Variants in DOCK3 observed in about 807,000 individuals in gnomAD.
DOCK3 encodes dedicator of cytokinesis protein 3.
A neutral mutation model predicts 265.6 loss-of-function variants in DOCK3; 60 were observed. That is an observed-to-expected ratio of 0.23 (90% CI 0.18 to 0.28). The LOEUF is 0.28. DOCK3 is among the 10% of genes least tolerant of loss of function. The probability of loss-of-function intolerance (pLI) is 1.00; values close to 1 mark genes in which losing one functional copy is unlikely to be tolerated. For synonymous variants in DOCK3, 881 were observed against 938.0 expected (o/e 0.94, Z 1.11); for missense variants, 1,981 against 2,594.3 (o/e 0.76, Z 5.14).
intron 1 of DOCK3, among the ~76,000 whole-genome samples, chr3:50,698,127 A>C (rs2035752480): frequency 6.6e-6 from 1 of 152,060 alleles, no homozygotes; most frequent in Non-Finnish European, 1.5e-5. Context: ...CTAATTCCAG[A>C]ACAGTTTCAT....
chr3:51,056,096 G>A (rs1333633755), intron 5 of DOCK3, among the ~76,000 whole-genome samples: 1 of 152,086 alleles, frequency 6.6e-6, no homozygotes, highest in African/African-American at 2.4e-5. Context: ...GTAAATATGT[G>A]CTTGAAAATC....
chr3:51,069,212 G>C (rs910358248), intron 6 of DOCK3, among the ~76,000 whole-genome samples: 14 of 152,006 alleles, frequency 9.2e-5, no homozygotes, highest in Non-Finnish European at 1.6e-4. Context: ...ATACAAGAAG[G>C]GCAGAAAGTT....
chr3:51,228,760 A>G lies in DOCK3; in HGVS notation c.1747A>G (p.Ile583Val), dbSNP rs755984916. 1.8e-5 allele frequency: 29 copies of G among 1,613,876 alleles called. No homozygotes were observed. Among genetic ancestry groups the G allele is most frequent in the Non-Finnish European group, 2.3e-5 (27 of 1,179,788 alleles). ...NGCPNIPSSL[I>V]FQRSTKESFF... is the part of the protein sequence containing the mutation. The stretch of plus-strand genomic sequence containing the variant: ...CTGCCCTAATATTCCTTCTAGCCTC[A>G]TCTTCCAGCGCAGCACCAAAGAGTC... Residue 583 changes from isoleucine to valine, a missense_variant, in exon 18 of 53, where the codon ATC (isoleucine) becomes GTC (valine). Ile to Val is a conservative substitution (Grantham distance 29, BLOSUM62 3). Coordinates refer to ENST00000266037, the MANE Select transcript of DOCK3 (RefSeq NM_004947.5).
intron 5 of DOCK3, among the ~76,000 whole-genome samples, chr3:51,045,958 G>A (rs895991627): frequency 3.9e-5 from 6 of 152,086 alleles, no homozygotes; most frequent in Admixed American, 2.6e-4. Context: ...TCCTGCTCAT[G>A]GACCCTGACA....
rs56837922 is a variant in DOCK3, at chr3:50,840,366, C to T, written c.122-1309C>T. On this transcript the variant is annotated intron_variant, in intron 2 of 52. Transcript: ENST00000266037. ...GTTTTGCATTTTATGTTAAGGTCTACGATCCATTTTGAGTTTATTTTTGTG... is the reference window on the plus strand; with the variant it reads ...GTTTTGCATTTTATGTTAAGGTCTATGATCCATTTTGAGTTTATTTTTGTG... 7.0e-3 allele frequency among the ~76,000 whole-genome samples: 1,061 copies of T among 152,264 alleles called. 12 individuals carry two copies. Among genetic ancestry groups the T allele is most frequent in the African/African-American group, 0.024 (1,015 of 41,550 alleles).
chr3:50,956,036 A>G (rs1235419089), intron 5 of DOCK3, among the ~76,000 whole-genome samples: 1 of 150,798 alleles, frequency 6.6e-6, no homozygotes, highest in East Asian at 1.9e-4. Flanking sequence ...ACTGAGGTCA[A>G]CTGCTTCTTA....
At chr3:50,907,208 GC>G (rs1424546312) in intron 4 of DOCK3, among the ~76,000 whole-genome samples, 1 of 152,216 alleles carries the variant, frequency 6.6e-6, no homozygotes, top group East Asian at 1.9e-4. Context: ...GTGACGTGGT[GC>G]TGAGAAGAAT....
At chr3:50,857,614 A>G (rs2046666560) in intron 3 of DOCK3, among the ~76,000 whole-genome samples, 1 of 152,238 alleles carries the variant, frequency 6.6e-6, no homozygotes, top group Admixed American at 6.5e-5. Context: ...AAAAGTGGGC[A>G]AAGAATATGG....
chr3:51,203,857 T>C (rs1365311748), intron 12 of DOCK3, among the ~76,000 whole-genome samples: 1 of 151,954 alleles, frequency 6.6e-6, no homozygotes, highest in African/African-American at 2.4e-5. Flanking sequence ...CAGAAATAAC[T>C]CCGCGTATCT....
At chr3:51,240,977 A>G (rs2078586891) in intron 21 of DOCK3, among the ~76,000 whole-genome samples, 2 of 152,132 alleles carry the variant, frequency 1.3e-5, no homozygotes, top group Admixed American at 6.5e-5. Flanking sequence ...TTATGATGTT[A>G]GCTGGTTATT....
chr3:51,330,523 G>A (rs1008461644), intron 33 of DOCK3, among the ~76,000 whole-genome samples: 10 of 152,164 alleles, frequency 6.6e-5, no homozygotes, highest in South Asian at 2.1e-4. Context: ...GGGGGCAGAC[G>A]GTTCATGGAG....
chr3:51,032,219 G>A (rs1392448049), intron 5 of DOCK3, among the ~76,000 whole-genome samples: 2 of 151,206 alleles, frequency 1.3e-5, no homozygotes, highest in African/African-American at 2.4e-5. Context: ...GTTTATTTTG[G>A]GAGAGGTAGC....
intron 12 of DOCK3, among the ~76,000 whole-genome samples, chr3:51,184,033 G>A (rs568428538): frequency 3.7e-4 from 56 of 152,194 alleles, no homozygotes; most frequent in African/African-American, 9.6e-4. Flanking sequence ...AATACAGGCC[G>A]GGGTGGTGTC....
At chr3:50,770,375 A>G (rs543048350) in intron 1 of DOCK3, among the ~76,000 whole-genome samples, 78 of 152,252 alleles carry the variant, frequency 5.1e-4, no homozygotes, top group African/African-American at 1.8e-3. Context: ...AATAGTTAAG[A>G]ATTAACCAAA....
At chr3:51,261,908 G>T (rs948589904) in intron 23 of DOCK3, among the ~76,000 whole-genome samples, 5 of 152,172 alleles carry the variant, frequency 3.3e-5, no homozygotes, top group African/African-American at 4.8e-5. Flanking sequence ...AAGACAGCAG[G>T]CCCAGTCAGG....
chr3:51,275,870 G>A (rs191855180), intron 25 of DOCK3, among the ~76,000 whole-genome samples: 5 of 152,194 alleles, frequency 3.3e-5, no homozygotes, highest in Admixed American at 3.3e-4. Flanking sequence ...ACGGGTGAGG[G>A]TAGGAATTTA....
intron 3 of DOCK3, among the ~76,000 whole-genome samples, chr3:50,867,367 C>A (rs139735699): frequency 6.6e-6 from 1 of 152,112 alleles, no homozygotes; most frequent in Non-Finnish European, 1.5e-5. Context: ...ATATCATCTG[C>A]AAGGATAACT....
intron 51 of DOCK3, chr3:51,379,597 C>T (rs1386353798): frequency 1.3e-5 from 13 of 985,468 alleles, no homozygotes; most frequent in Middle Eastern, 5.2e-4. Flanking sequence ...GCGGGTCCCC[C>T]GATAGTCCCT....
intron 5 of DOCK3, among the ~76,000 whole-genome samples, chr3:51,017,372 A>T (rs1429351463): frequency 2.7e-5 from 4 of 150,202 alleles, no homozygotes; most frequent in African/African-American, 7.4e-5. Context: ...TTCTACTGTG[A>T]TCTTTATTAT....
Sources: allele counts gnomAD v4.1 joint callset (sites outside exome capture counted in the v4.1 genomes callset), GRCh38; gene constraint gnomAD v4.1.1; transcripts MANE v1.5; gene names NCBI Gene and HGNC (gene_info 2026-07-23, HGNC 2026-07-21).